The following CPEB2 variants were observed in gnomAD, a reference collection of about 807,000 sequenced individuals.
The protein encoded by CPEB2 is cytoplasmic polyadenylation element binding protein 2.
CPEB2 carries 56 observed loss-of-function variants against 93.6 expected under a neutral mutation model. The ratio of observed to expected loss-of-function variants is 0.60; its 90% CI spans 0.48 to 0.75. The LOEUF is 0.75. Ranked by LOEUF, CPEB2 falls within the 30% of genes least tolerant of loss-of-function variation. CPEB2 has a pLI of 0.00. For missense variants in CPEB2, 1,579 were observed against 1,395.1 expected (o/e 1.13, Z -2.10); for synonymous variants, 764 against 586.3 (o/e 1.30, Z -4.38).
chr4:15,022,918 A>G (rs1724968264), intron 4 of CPEB2, among the ~76,000 whole-genome samples: 1 of 152,040 alleles, frequency 6.6e-6, no homozygotes, highest in Non-Finnish European at 1.5e-5. Context: ...ATGGATGGAG[A>G]TAAGTTTTGC....
At chr4:15,015,176 A>G (rs993366054) in intron 3 of CPEB2, among the ~76,000 whole-genome samples, 1 of 152,070 alleles carries the variant, frequency 6.6e-6, no homozygotes, top group African/African-American at 2.4e-5. Flanking sequence ...GTTCCACTCC[A>G]GACCTACTGA....
intron 4 of CPEB2, chr4:15,017,977 A>G (rs1724366667): frequency 6.6e-6 from 1 of 151,894 alleles, no homozygotes; most frequent in Non-Finnish European, 1.5e-5. Flanking sequence ...CAAATTGTCT[A>G]TTTGAGTCAT....
At position 15,003,032 on chromosome 4, in the gene CPEB2, A is replaced by T. The variant is rs1473027270; in HGVS notation, c.359A>T (p.Asp120Val). Reference sequence around the variant, plus strand: ...GCGGCGGCCACGGAGAAACTCCCCGACCACCACCCCGGCGGCGGCACGATC... The same window carrying T: ...GCGGCGGCCACGGAGAAACTCCCCGTCCACCACCCCGGCGGCGGCACGATC... The part of the protein sequence containing the change: ...SGAAATEKLP[D>V]HHPGGGTIAG... Residue 120 changes from aspartate to valine, a missense_variant, in exon 1 of 12, where the codon GAC (aspartate) becomes GTC (valine). Around this residue, in one of 2 missense-constraint regions of CPEB2, gnomAD observed 1,411 missense variants for 1,056.0 expected, o/e 1.34. Coordinates refer to ENST00000538197, the MANE Select transcript of CPEB2 (RefSeq NM_001177382.2). 26 of 1,494,584 alleles carry T rather than the reference A, an allele frequency of 1.7e-5. No homozygotes were observed. The African/African-American group carries it at 2.9e-4, about 17-fold the overall frequency. 92.6% of individuals were successfully genotyped at this position (1,494,584 alleles called of 1,614,324 possible).
chr4:15,056,477 A>C (rs1034510186), intron 8 of CPEB2, among the ~76,000 whole-genome samples: 1 of 152,196 alleles, frequency 6.6e-6, no homozygotes, highest in Admixed American at 6.5e-5. Flanking sequence ...TGCTATCGTT[A>C]TTGTGGTTTT....
At chr4:15,042,553 G>A (rs985704720) in intron 6 of CPEB2, among the ~76,000 whole-genome samples, 1 of 152,162 alleles carries the variant, frequency 6.6e-6, no homozygotes, top group African/African-American at 2.4e-5. Context: ...GCATAAGGGG[G>A]AGTGAATGCC....
chr4:15,044,659 C>T (rs893088066), intron 6 of CPEB2, among the ~76,000 whole-genome samples: 5 of 152,072 alleles, frequency 3.3e-5, no homozygotes, highest in Admixed American at 6.5e-5. Flanking sequence ...GAATCATACC[C>T]GAGTGTATTT....
intron 7 of CPEB2, 48 bp from the exon 8 acceptor site, chr4:15,054,080 C>A (rs148002711): frequency 2.3e-6 from 3 of 1,283,854 alleles, no homozygotes; most frequent in East Asian, 2.4e-5. Flanking sequence ...TTTCTTAGAA[C>A]GAATCACTGA....
chr4:15,057,517 C>T (rs1442428638), intron 8 of CPEB2, among the ~76,000 whole-genome samples: 3 of 152,062 alleles, frequency 2.0e-5, no homozygotes, highest in African/African-American at 4.8e-5. Flanking sequence ...TACATTTGTT[C>T]GCATAGAAAT....
intron 6 of CPEB2, among the ~76,000 whole-genome samples, chr4:15,045,404 C>A (rs901812133): frequency 1.3e-5 from 2 of 152,026 alleles, no homozygotes; most frequent in African/African-American, 2.4e-5. Flanking sequence ...CATATTCATA[C>A]ATATTATATA....
chr4:15,021,572 C>G (rs1724821115), intron 4 of CPEB2, among the ~76,000 whole-genome samples: 1 of 152,110 alleles, frequency 6.6e-6, no homozygotes, highest in South Asian at 2.1e-4. Context: ...TAGGGACAAA[C>G]AGAATTACTT....
chr4:15,017,311 AT>A, intron 4 of CPEB2, 33 bp downstream of exon 4: 1 of 1,111,646 alleles, frequency 9.0e-7, no homozygotes, highest in Non-Finnish European at 1.3e-6. Context: ...ATATGTTTAT[AT>A]TATACACCAA....
chr4:15,062,389 T>C lies in CPEB2; in HGVS notation c.2877+129T>C, dbSNP rs905936935. On this transcript the variant is annotated intron_variant, in intron 11 of 11. Coordinates refer to ENST00000538197, the MANE Select transcript of CPEB2 (RefSeq NM_001177382.2). ...ATACTTCTGTAAGTCTTAAAGGATA[T>C]TATATAAAAATATCCTTGAAATGGA... 3 of 559,360 alleles carry C rather than the reference T, an allele frequency of 5.4e-6. No individual in the cohort carries two copies. The African/African-American group carries it at 5.8e-5, about 11-fold the overall frequency. The allele number at this position is 559,360 out of a possible 1,614,324, so 34.6% of individuals were successfully genotyped here.
At chr4:15,004,669 G>A (rs1398865062) in intron 1 of CPEB2, among the ~76,000 whole-genome samples, 1 of 151,778 alleles carries the variant, frequency 6.6e-6, no homozygotes, top group Non-Finnish European at 1.5e-5. Context: ...CGGGGCCGCG[G>A]GCGGCCGGGC....
chr4:15,045,474 TTTA>T (rs1195764797), intron 6 of CPEB2, among the ~76,000 whole-genome samples: 1 of 152,168 alleles, frequency 6.6e-6, no homozygotes, highest in Non-Finnish European at 1.5e-5. Flanking sequence ...TGTGTAACGG[TTTA>T]TTCTTGTTGC....
intron 3 of CPEB2, among the ~76,000 whole-genome samples, chr4:15,012,639 T>C (rs1306708058): frequency 1.3e-5 from 2 of 152,082 alleles, no homozygotes. Flanking sequence ...GATAACATTG[T>C]GTAACAGGAA....
intron 4 of CPEB2, among the ~76,000 whole-genome samples, chr4:15,018,984 A>G (rs1490835065): frequency 1.4e-5 from 2 of 147,192 alleles, no homozygotes; most frequent in East Asian, 3.9e-4. Context: ...ACGCACACAC[A>G]CACGCATATA....
At chr4:15,041,553 C>CAA (rs1727195609) in intron 6 of CPEB2, among the ~76,000 whole-genome samples, 1 of 151,924 alleles carries the variant, frequency 6.6e-6, no homozygotes, top group African/African-American at 2.4e-5. Flanking sequence ...CAGGCATGTG[C>CAA]CACCACACCC....
chr4:15,044,481 A>G (rs923079096), intron 6 of CPEB2, among the ~76,000 whole-genome samples: 1 of 152,216 alleles, frequency 6.6e-6, no homozygotes, highest in African/African-American at 2.4e-5. Flanking sequence ...TAAAGCATAT[A>G]TATCTAGAAA....
intron 3 of CPEB2, among the ~76,000 whole-genome samples, chr4:15,011,663 A>G (rs1301328239): frequency 6.6e-6 from 1 of 152,146 alleles, no homozygotes; most frequent in Non-Finnish European, 1.5e-5. Flanking sequence ...TTTCAGTTTA[A>G]TGTTAAGGTT....
Sources: allele counts gnomAD v4.1 joint callset (sites outside exome capture counted in the v4.1 genomes callset), GRCh38; gene constraint gnomAD v4.1.1; regional missense constraint gnomAD v4.1.1; transcripts MANE v1.5; gene names NCBI Gene and HGNC (gene_info 2026-07-23, HGNC 2026-07-21).